CAMKMT: variants seen among roughly 807,000 people sequenced by gnomAD.
The protein encoded by CAMKMT is CaM KMT.
A neutral mutation model predicts 48.0 loss-of-function variants in CAMKMT; 53 were observed. The ratio of observed to expected loss-of-function variants is 1.10; its 90% CI spans 0.89 to 1.39. CAMKMT has a LOEUF of 1.39. Ranked by LOEUF, CAMKMT falls within the 40% of genes most tolerant of loss-of-function variation. CAMKMT has a pLI of 0.00. For synonymous variants in CAMKMT, 165 were observed against 152.3 expected, an observed-to-expected ratio of 1.08 and a Z score of -0.61; for missense variants, 428 against 402.7, an observed-to-expected ratio of 1.06 and a Z score of -0.54.
At chr2:44,551,525 A>C (rs1282221931) in intron 3 of CAMKMT, among the ~76,000 whole-genome samples, 1 of 152,184 alleles carries the variant, frequency 6.6e-6, no homozygotes, top group South Asian at 2.1e-4. Flanking sequence ...TATGATCTGT[A>C]TTTAACATTT....
chr2:44,676,416 C>T (rs951545584), intron 3 of CAMKMT, among the ~76,000 whole-genome samples: 1 of 152,180 alleles, frequency 6.6e-6, no homozygotes, highest in Non-Finnish European at 1.5e-5. Context: ...TCATCTGATC[C>T]TCAAAACAGG....
At chr2:44,369,246 A>G (rs1158389969) in intron 1 of CAMKMT, among the ~76,000 whole-genome samples, 1 of 152,158 alleles carries the variant, frequency 6.6e-6, no homozygotes, top group African/African-American at 2.4e-5. Flanking sequence ...TCAAAGAGAG[A>G]CTACCTTTTC....
At chr2:44,526,729 A>G (rs897086918) in intron 3 of CAMKMT, among the ~76,000 whole-genome samples, 32 of 152,114 alleles carry the variant, frequency 2.1e-4, no homozygotes, top group Non-Finnish European at 4.4e-4. Context: ...TTTACAGTCT[A>G]CTGATTCAAA....
At chr2:44,388,271 T>G (rs1680971694) in intron 2 of CAMKMT, among the ~76,000 whole-genome samples, 1 of 152,206 alleles carries the variant, frequency 6.6e-6, no homozygotes, top group Non-Finnish European at 1.5e-5. Context: ...CGGAATTTCT[T>G]TCTTCTACTT....
intron 3 of CAMKMT, among the ~76,000 whole-genome samples, chr2:44,455,772 G>C (rs1313927816): frequency 1.3e-5 from 2 of 150,650 alleles, no homozygotes; most frequent in African/African-American, 2.5e-5. Context: ...TTCTTAAAAA[G>C]CTATTTTTTT....
intron 3 of CAMKMT, among the ~76,000 whole-genome samples, chr2:44,548,016 T>A (rs1200351264): frequency 6.6e-6 from 1 of 152,190 alleles, no homozygotes; most frequent in Non-Finnish European, 1.5e-5. Context: ...AACTTGGCCC[T>A]GGACATCTTC....
intron 3 of CAMKMT, among the ~76,000 whole-genome samples, chr2:44,447,594 G>T (rs939550681): frequency 5.9e-5 from 9 of 152,172 alleles, no homozygotes; most frequent in African/African-American, 1.9e-4. Flanking sequence ...TGTCTGCAAT[G>T]TGCAACCTGG....
intron 3 of CAMKMT, among the ~76,000 whole-genome samples, chr2:44,702,875 T>C (rs189636836): frequency 6.7e-4 from 102 of 152,328 alleles, no homozygotes; most frequent in African/African-American, 2.4e-3. Context: ...ACTTAACATT[T>C]CTTTAACACC....
At chr2:44,592,670 G>C (rs1284014025) in intron 3 of CAMKMT, among the ~76,000 whole-genome samples, 1 of 152,080 alleles carries the variant, frequency 6.6e-6, no homozygotes, top group Non-Finnish European at 1.5e-5. Context: ...TGTAAGTATA[G>C]GAAAAAACAT....
Position 44,772,221 on chromosome 2 carries a change from C to A in CAMKMT, c.*108C>A. The A allele has an allele frequency of 2.3e-6, 2 of 868,228 alleles. No individual in the cohort carries two copies. The highest frequency in any genetic ancestry group is 1.8e-6 in the Non-Finnish European group (1 of 543,808). 53.8% of individuals were successfully genotyped at this position (868,228 alleles called of 1,614,324 possible). A position where few individuals can be genotyped will look rare whatever the true frequency, so the allele number is the denominator to read the frequency against. On this transcript the variant is annotated 3_prime_UTR_variant, in exon 11 of 11. Transcript: ENST00000378494. Reference sequence around the variant, plus strand: ...AATCGCCTGCCTGCGCCCTTTGCAGCATTTCACGTGTGGGCTATGGACTCC... The same window carrying A: ...AATCGCCTGCCTGCGCCCTTTGCAGAATTTCACGTGTGGGCTATGGACTCC...
chr2:44,714,787 C>G (rs1678078683), intron 6 of CAMKMT, among the ~76,000 whole-genome samples: 1 of 152,190 alleles, frequency 6.6e-6, no homozygotes, highest in Non-Finnish European at 1.5e-5. Context: ...TGATCCATCT[C>G]AGGTGATAAA....
chr2:44,499,917 T>G (rs972860633), intron 3 of CAMKMT, among the ~76,000 whole-genome samples: 1 of 147,054 alleles, frequency 6.8e-6, no homozygotes. Flanking sequence ...ATACCTTGGG[T>G]TGAATTGAAT....
intron 3 of CAMKMT, among the ~76,000 whole-genome samples, chr2:44,536,073 C>G (rs1401561402): frequency 1.3e-5 from 2 of 152,086 alleles, no homozygotes; most frequent in East Asian, 1.9e-4. Flanking sequence ...CAATAATGAA[C>G]TAGCTGAAAG....
intron 3 of CAMKMT, among the ~76,000 whole-genome samples, chr2:44,688,509 TA>T (rs1206639958): frequency 6.6e-6 from 1 of 151,824 alleles, no homozygotes; most frequent in Non-Finnish European, 1.5e-5. Context: ...TATATATACA[TA>T]TATATATATT....
Position 44,535,004 on chromosome 2 carries a change from G to C in CAMKMT, c.376+144699G>C, listed in dbSNP as rs1419711529. Among the ~76,000 whole-genome samples the C allele has an allele frequency of 3.3e-5, 5 of 151,650 alleles. No homozygotes were observed. In the East Asian group the frequency reaches 7.7e-4, roughly 23 times the overall value. On this transcript the variant is annotated intron_variant, in intron 3 of 10. Transcript: ENST00000378494. ...ATAACCAAAAATTGCTATAACCAAA[G>C]GGGAGAGGGGGAGAGAGAGAGAGAG...
chr2:44,430,025 G>A (rs1180225421), intron 3 of CAMKMT, among the ~76,000 whole-genome samples: 1 of 151,976 alleles, frequency 6.6e-6, no homozygotes, highest in Non-Finnish European at 1.5e-5. Flanking sequence ...CTATAAAGAT[G>A]AGAGAATTTT....
chr2:44,460,840 A>G (rs1667811755), intron 3 of CAMKMT, among the ~76,000 whole-genome samples: 1 of 149,194 alleles, frequency 6.7e-6, no homozygotes, highest in Admixed American at 6.8e-5. Context: ...CTCCAGCCTC[A>G]GCCTCCCGAG....
chr2:44,752,899 G>A (rs930163247), intron 8 of CAMKMT, among the ~76,000 whole-genome samples: 12 of 152,130 alleles, frequency 7.9e-5, no homozygotes, highest in African/African-American at 2.7e-4. Flanking sequence ...CATAGCATCA[G>A]GCATGGCCAA....
chr2:44,663,123 G>A lies in CAMKMT; in HGVS notation c.377-41160G>A, dbSNP rs567110065. Among the ~76,000 whole-genome samples the A allele has an allele frequency of 4.6e-5, 7 of 152,110 alleles. No individual in the cohort carries two copies. The South Asian group carries it at 1.2e-3, about 27-fold the overall frequency. ...CAGCCATGGTATAATTATAAAATCA[G>A]GAAATTTAACATTGGTATAATACCA... On this transcript the variant is annotated intron_variant, in intron 3 of 10. Coordinates refer to ENST00000378494, the MANE Select transcript of CAMKMT (RefSeq NM_024766.5).
Sources: gnomAD v4.1 joint callset for allele counts (sites outside exome capture counted in the v4.1 genomes callset) on GRCh38, gnomAD v4.1.1 for gene constraint, MANE v1.5 for transcripts, NCBI Gene and HGNC (gene_info 2026-07-23, HGNC 2026-07-21) for gene names.